OPCML: variants seen among roughly 807,000 people sequenced by gnomAD.
OPCML encodes opioid binding protein/cell adhesion molecule like, also known as opioid-binding protein/cell adhesion molecule.
OPCML carries 13 observed loss-of-function variants against 37.8 expected under a neutral mutation model. The observed-to-expected ratio is 0.34, with a 90% CI of 0.22 to 0.55. OPCML has a LOEUF of 0.55. Ranked by LOEUF, OPCML falls within the 20% of genes least tolerant of loss-of-function variation. The probability of loss-of-function intolerance (pLI) is 0.91; values close to 1 mark genes in which losing one functional copy is unlikely to be tolerated. For synonymous variants in OPCML, 176 were observed against 168.8 expected (o/e 1.04, Z -0.33); for missense variants, 341 against 435.6 (o/e 0.78, Z 1.93).
At chr11:133,102,033 A>G (rs926705960) in intron 1 of OPCML, among the ~76,000 whole-genome samples, 2 of 152,254 alleles carry the variant, frequency 1.3e-5, no homozygotes, top group Non-Finnish European at 1.5e-5. Flanking sequence ...GGAGGCAGTA[A>G]GAAAATTAGT....
intron 3 of OPCML, among the ~76,000 whole-genome samples, chr11:132,566,863 T>G (rs761016414): frequency 2.6e-5 from 4 of 151,934 alleles, no homozygotes; most frequent in Non-Finnish European, 4.4e-5. Context: ...GGGATAGTGA[T>G]GAAGGATATT....
intron 3 of OPCML, among the ~76,000 whole-genome samples, chr11:132,625,949 T>G (rs1417808081): frequency 6.6e-6 from 1 of 152,102 alleles, no homozygotes; most frequent in Non-Finnish European, 1.5e-5. Context: ...ACATCTCTAT[T>G]GTAGCACTTG....
chr11:133,101,131 G>T (rs1949079589), intron 1 of OPCML, among the ~76,000 whole-genome samples: 3 of 152,036 alleles, frequency 2.0e-5, no homozygotes, highest in Admixed American at 2.0e-4. Flanking sequence ...CACCATATTG[G>T]CCAGGCTGGT....
intron 1 of OPCML, among the ~76,000 whole-genome samples, chr11:133,217,873 A>T (rs1592114252): frequency 6.6e-6 from 1 of 152,100 alleles, no homozygotes; most frequent in East Asian, 1.9e-4. Flanking sequence ...GGGAGAATTC[A>T]TCTTTACAGA....
At chr11:133,140,678 G>GAAGA (rs901051776) in intron 1 of OPCML, among the ~76,000 whole-genome samples, 2 of 116,006 alleles carry the variant, frequency 1.7e-5, no homozygotes, top group African/African-American at 3.0e-5. Context: ...AAAGAAGAAA[G>GAAGA]AAGAAAGATG....
chr11:133,276,474 G>T (rs984927115), intron 1 of OPCML, among the ~76,000 whole-genome samples: 2 of 152,104 alleles, frequency 1.3e-5, no homozygotes, highest in Non-Finnish European at 2.9e-5. Context: ...ATGCAGGAGG[G>T]AGCAAAACCT....
chr11:132,994,447 G>T (rs1290025640), intron 1 of OPCML, among the ~76,000 whole-genome samples: 2 of 152,164 alleles, frequency 1.3e-5, no homozygotes, highest in Non-Finnish European at 2.9e-5. Flanking sequence ...CTGGGGGCTC[G>T]CCGTGCAGGC....
intron 4 of OPCML, among the ~76,000 whole-genome samples, chr11:132,498,031 C>A (rs557743810): frequency 6.6e-6 from 1 of 152,092 alleles, no homozygotes; most frequent in Non-Finnish European, 1.5e-5. Flanking sequence ...TTAGACAACA[C>A]GATAAATTAT....
At chr11:133,004,084 G>A (rs1234763516) in intron 1 of OPCML, 9 of 985,290 alleles carry the variant, frequency 9.1e-6, no homozygotes, top group Non-Finnish European at 1.1e-5. Flanking sequence ...GCAGGGGCTG[G>A]CAGCTGTGTT....
At chr11:132,781,955 T>TATATA (rs60644917) in intron 2 of OPCML, among the ~76,000 whole-genome samples, 213 of 43,962 alleles carry the variant, frequency 4.8e-3, no homozygotes, top group South Asian at 0.014. Context: ...TATATATATA[T>TATATA]TTTTTTTTTT....
chr11:133,028,174 A>G (rs1441920064), intron 1 of OPCML, among the ~76,000 whole-genome samples: 1 of 151,948 alleles, frequency 6.6e-6, no homozygotes, highest in Non-Finnish European at 1.5e-5. Flanking sequence ...CTGCAGACTT[A>G]GGCACCACTC....
At chr11:133,371,945 T>A (rs1475308861) in intron 1 of OPCML, among the ~76,000 whole-genome samples, 1 of 152,162 alleles carries the variant, frequency 6.6e-6, no homozygotes, top group Non-Finnish European at 1.5e-5. Flanking sequence ...TTGCATGTTG[T>A]TACTTACACG....
chr11:133,226,284 C>T (rs1031228398), intron 1 of OPCML, among the ~76,000 whole-genome samples: 2 of 152,258 alleles, frequency 1.3e-5, no homozygotes, highest in African/African-American at 4.8e-5. Context: ...TCATTTTTGG[C>T]TCTTGCCCTC....
At chr11:133,396,819 T>C (rs1305138014) in intron 1 of OPCML, among the ~76,000 whole-genome samples, 2 of 152,178 alleles carry the variant, frequency 1.3e-5, no homozygotes, top group African/African-American at 2.4e-5. Context: ...TCACCTCCTT[T>C]ATAAAACCTT....
chr11:133,041,689 A>T (rs77779314), intron 1 of OPCML, among the ~76,000 whole-genome samples: 1 of 152,318 alleles, frequency 6.6e-6, no homozygotes, highest in African/African-American at 2.4e-5. Flanking sequence ...AGAATCTTCT[A>T]TCAGCACGAT....
intron 4 of OPCML, among the ~76,000 whole-genome samples, chr11:132,498,517 G>GAGACTGTCTAAAGGAGACTGTCTA: frequency 6.6e-6 from 1 of 152,186 alleles, no homozygotes; most frequent in South Asian, 2.1e-4. Flanking sequence ...TACAACTTTT[G>GAGACTGTCTAAAGGAGACTGTCTA]AAGGAGAGAC....
chr11:133,004,263 G>T (rs1947065181), intron 1 of OPCML: 1 of 985,470 alleles, frequency 1.0e-6, no homozygotes, highest in Non-Finnish European at 1.2e-6. Flanking sequence ...CTCCTTAGAG[G>T]CTTGCCAGAG....
chr11:133,128,998 G>C (rs888583640), intron 1 of OPCML, among the ~76,000 whole-genome samples: 1 of 152,166 alleles, frequency 6.6e-6, no homozygotes, highest in Non-Finnish European at 1.5e-5. Context: ...ATCAGGTGAT[G>C]AGACAGAGGT....
intron 2 of OPCML, among the ~76,000 whole-genome samples, chr11:132,664,912 A>G (rs1265285629): frequency 1.3e-5 from 2 of 152,230 alleles, no homozygotes; most frequent in Admixed American, 6.5e-5. Context: ...GGTGAGGGAT[A>G]AGAGCTACTT....
Sources: allele counts gnomAD v4.1 joint callset (sites outside exome capture counted in the v4.1 genomes callset), GRCh38; gene constraint gnomAD v4.1.1; transcripts MANE v1.5; gene names NCBI Gene and HGNC (gene_info 2026-07-23, HGNC 2026-07-21).